RPA3: variants seen among roughly 807,000 people sequenced by gnomAD.
The protein encoded by RPA3 is replication protein A3.
RPA3 carries 24 observed loss-of-function variants against 13.7 expected under a neutral mutation model. The ratio of observed to expected loss-of-function variants is 1.75; its 90% confidence interval spans 1.27 to 2.46. The LOEUF is 2.46. Ranked by LOEUF, RPA3 falls within the 30% of genes most tolerant of loss-of-function variation. The probability of loss-of-function intolerance (pLI) is 0.00; values close to 1 mark genes in which losing one functional copy is unlikely to be tolerated. For missense variants in RPA3, 183 were observed against 151.0 expected (o/e 1.21, Z -1.11); for synonymous variants, 59 against 51.2 (o/e 1.15, Z -0.65).
chr7:7,681,055 T>C (rs1779899589), intron 4 of RPA3, among the ~76,000 whole-genome samples: 1 of 152,160 alleles, frequency 6.6e-6, no homozygotes, highest in Non-Finnish European at 1.5e-5. Flanking sequence ...TGTGTGTTTG[T>C]TGATGTCTAA....
intron 4 of RPA3, among the ~76,000 whole-genome samples, chr7:7,672,493 T>G (rs1426879807): frequency 6.6e-6 from 1 of 152,186 alleles, no homozygotes; most frequent in African/African-American, 2.4e-5. Context: ...TTTGGTTCTT[T>G]GTCCCCACCC....
intron 4 of RPA3, among the ~76,000 whole-genome samples, chr7:7,672,665 C>T (rs892061015): frequency 5.3e-5 from 8 of 152,174 alleles, no homozygotes; most frequent in Non-Finnish European, 7.3e-5. Flanking sequence ...CTCTCCCTGT[C>T]GTCCTGTGAG....
intron 2 of RPA3, among the ~76,000 whole-genome samples, chr7:7,703,483 T>A (rs758601527): frequency 6.6e-6 from 1 of 152,222 alleles, no homozygotes; most frequent in Non-Finnish European, 1.5e-5. Context: ...ATTGTGTGGA[T>A]ATAGCACATA....
Position 7,676,008 on chromosome 7 carries a change from G to GT in RPA3, c.-758+9821dup, listed in dbSNP as rs1028571440. The GT allele has an allele frequency of 1.3e-5, 5 of 396,220 alleles. No individual in the cohort carries two copies. The Admixed American group carries it at 1.3e-4, about 11-fold the overall frequency. 24.5% of individuals were successfully genotyped at this position (396,220 alleles called of 1,614,324 possible). A position where few individuals can be genotyped will look rare whatever the true frequency, so the allele number is the denominator to read the frequency against. On this transcript the variant is annotated intron_variant, in intron 4 of 7. Coordinates refer to ENST00000223129, the MANE Select transcript of RPA3 (RefSeq NM_002947.5). ...CTGTGGGTACCATTACTCTCCTGAA[G>GT]TTTTGATGGTATCAGTCAGCATCAT...
At chr7:7,642,110 G>T (rs536356088) in intron 4 of RPA3, among the ~76,000 whole-genome samples, 9 of 152,102 alleles carry the variant, frequency 5.9e-5, no homozygotes, top group African/African-American at 1.9e-4. Flanking sequence ...GCATTATATA[G>T]GGGAGAGTAC....
At chr7:7,705,418 A>C (rs1354417125) in intron 2 of RPA3, among the ~76,000 whole-genome samples, 1 of 152,230 alleles carries the variant, frequency 6.6e-6, no homozygotes, top group East Asian at 1.9e-4. Context: ...ACGATAAAAT[A>C]ACTATGTAGG....
At chr7:7,638,443 A>C (rs981388637) in intron 6 of RPA3, 1 of 153,106 alleles carries the variant, frequency 6.5e-6, no homozygotes, top group African/African-American at 2.4e-5. Flanking sequence ...AATAAAATAA[A>C]ATCGAAAACT....
chr7:7,642,201 C>T (rs1218861919), intron 4 of RPA3, among the ~76,000 whole-genome samples: 1 of 152,162 alleles, frequency 6.6e-6, no homozygotes. Context: ...GTAGCATGCA[C>T]ATAGCTCACT....
At chr7:7,677,664 GTTTTTTTT>G (rs141602455) in intron 4 of RPA3, among the ~76,000 whole-genome samples, 1 of 113,502 alleles carries the variant, frequency 8.8e-6, no homozygotes, top group Non-Finnish European at 1.7e-5. Flanking sequence ...CTGTTTTTTT[GTTTTTTTT>G]TTTTTTTTTT....
intron 4 of RPA3, among the ~76,000 whole-genome samples, chr7:7,682,554 T>G (rs1242434808): frequency 6.6e-6 from 1 of 152,188 alleles, no homozygotes; most frequent in Non-Finnish European, 1.5e-5. Context: ...GGACAGTAAG[T>G]CACTTTGATT....
In RPA3 at chr7:7,637,048, G is replaced by C. The variant is rs1784877659; in HGVS notation, c.318C>G (p.Ile106Met). The change falls in exon 8 of 8, where the codon ATC (isoleucine) becomes ATG (methionine). Residue 106 changes from isoleucine (I) to methionine (M), a missense_variant. Ile to Met is a conservative substitution (Grantham distance 10, BLOSUM62 1). Transcript: ENST00000223129. Reference sequence around the variant, plus strand: ...AAGGATAAAACTGAGGGAAGTCATGGATAATTTTCACAGCTTCATTGTAAA... The same window carrying C: ...AAGGATAAAACTGAGGGAAGTCATGCATAATTTTCACAGCTTCATTGTAAA... ...LGLYNEAVKI[I>M]HDFPQFYPLG... 6.2e-7 allele frequency: 1 copy of C among 1,612,636 alleles called. No homozygotes were observed. Among genetic ancestry groups the C allele is most frequent in the Admixed American group, 1.7e-5 (1 of 59,974 alleles).
intron 2 of RPA3, among the ~76,000 whole-genome samples, chr7:7,688,922 G>A (rs916329367): frequency 3.9e-5 from 6 of 152,126 alleles, no homozygotes; most frequent in Non-Finnish European, 5.9e-5. Context: ...ATGAAAATAA[G>A]TCTTTGTTAA....
chr7:7,661,666 C>T (rs13229887), intron 4 of RPA3, among the ~76,000 whole-genome samples: 24,490 of 152,172 alleles, frequency 0.16, 2,332 homozygotes, highest in Middle Eastern at 0.24. Context: ...GTTGCCCGTT[C>T]CTTCCTCTGG....
At chr7:7,710,976 C>G (rs948447729) in intron 2 of RPA3, among the ~76,000 whole-genome samples, 1 of 152,174 alleles carries the variant, frequency 6.6e-6, no homozygotes, top group African/African-American at 2.4e-5. Context: ...ATGTAGCATT[C>G]TTGAAATGAC....
At chr7:7,671,843 C>T (rs1167719372) in intron 4 of RPA3, among the ~76,000 whole-genome samples, 1 of 152,166 alleles carries the variant, frequency 6.6e-6, no homozygotes, top group East Asian at 1.9e-4. Flanking sequence ...CCAGTAAGCA[C>T]TTTCTTTAAG....
intron 2 of RPA3, among the ~76,000 whole-genome samples, chr7:7,704,824 A>C (rs2115160627): frequency 6.6e-6 from 1 of 151,326 alleles, no homozygotes; most frequent in South Asian, 2.1e-4. Flanking sequence ...TGCCAGTTTA[A>C]CTTATAGATT....
intron 4 of RPA3, among the ~76,000 whole-genome samples, chr7:7,667,819 C>T (rs547202562): frequency 6.6e-4 from 101 of 152,332 alleles, no homozygotes; most frequent in African/African-American, 2.4e-3. Context: ...TGCTGCTTTA[C>T]TGATGAAAAG....
At chr7:7,642,435 A>G (rs1333004369) in intron 4 of RPA3, among the ~76,000 whole-genome samples, 1 of 150,936 alleles carries the variant, frequency 6.6e-6, no homozygotes, top group African/African-American at 2.4e-5. Context: ...CTGGAATTAC[A>G]GGTGTGAGCC....
At chr7:7,647,940 A>G (rs561477795) in intron 4 of RPA3, among the ~76,000 whole-genome samples, 2 of 152,122 alleles carry the variant, frequency 1.3e-5, no homozygotes, top group Non-Finnish European at 2.9e-5. Context: ...GTTTGCTACT[A>G]TTATAGACGT....
Sources: gnomAD v4.1 joint callset for allele counts (sites outside exome capture counted in the v4.1 genomes callset) on GRCh38, gnomAD v4.1.1 for gene constraint, MANE v1.5 for transcripts, NCBI Gene and HGNC (gene_info 2026-07-23, HGNC 2026-07-21) for gene names.